The following PAPPA variants were observed in gnomAD, a reference collection of about 807,000 sequenced individuals.
The protein encoded by PAPPA is pappalysin 1.
PAPPA carries 60 observed loss-of-function variants against 164.0 expected under a neutral mutation model. That is an observed-to-expected ratio of 0.37 (90% CI 0.30 to 0.45). The LOEUF (loss-of-function observed/expected upper bound fraction) is 0.45, where lower values mean the gene tolerates loss of function less well. Among genes scored for constraint, PAPPA ranks in the 20% least tolerant of loss-of-function variants. PAPPA has a pLI of 1.00. For synonymous variants in PAPPA, 875 were observed against 814.1 expected (o/e 1.07, Z -1.27); for missense variants, 1,782 against 2,087.3 (o/e 0.85, Z 2.85).
chr9:116,250,665 C>T (rs1199863922), intron 7 of PAPPA, among the ~76,000 whole-genome samples: 2 of 152,192 alleles, frequency 1.3e-5, no homozygotes, highest in Admixed American at 6.5e-5. Flanking sequence ...GGGAATTAGA[C>T]TGAAAAACTC....
intron 9 of PAPPA, among the ~76,000 whole-genome samples, chr9:116,289,734 T>C (rs1044647699): frequency 5.3e-5 from 8 of 152,186 alleles, no homozygotes; most frequent in African/African-American, 1.9e-4. Flanking sequence ...TTCTATGTAC[T>C]AGTATCTGAC....
rs545493827 is a variant in PAPPA, at chr9:116,396,652, C to T, written c.*36C>T. On this transcript the variant is annotated 3_prime_UTR_variant, in exon 22 of 22. Transcript: ENST00000328252. ...GAAGTTGTCAAAGAATTCCCAACGC[C>T]AGGACCCACATCCCTTTGGTATTGA... The T allele has an allele frequency of 1.3e-6, 1 of 776,802 alleles. No individual in the cohort carries two copies. The highest frequency in any genetic ancestry group is 1.7e-5 in the Admixed American group (1 of 58,680). The allele number at this position is 776,802 out of a possible 1,614,324, so 48.1% of individuals were successfully genotyped here. A position where few individuals can be genotyped will look rare whatever the true frequency, so the allele number is the denominator to read the frequency against.
intron 6 of PAPPA, among the ~76,000 whole-genome samples, chr9:116,232,126 T>C (rs1179100165): frequency 6.6e-6 from 1 of 152,158 alleles, no homozygotes; most frequent in Non-Finnish European, 1.5e-5. Context: ...TCTTCGTCTA[T>C]TTCAGTGTAA....
Position 116,398,381 on chromosome 9 carries a change from A to G in PAPPA, c.*1765A>G, listed in dbSNP as rs9535. On this transcript the variant is annotated 3_prime_UTR_variant, in exon 22 of 22. Coordinates refer to ENST00000328252, the MANE Select transcript of PAPPA (RefSeq NM_002581.5). ...CAAGTCTAGTGAAGACAGCCAACAG[A>G]AACAAAACCTAGCATAGGGATAGAA... The G allele has an allele frequency of 7.2e-3, 2,459 of 342,972 alleles. 9 individuals carry two copies. Among genetic ancestry groups the G allele is most frequent in the Admixed American group, 0.011 (261 of 23,352 alleles). 21.2% of individuals were successfully genotyped at this position (342,972 alleles called of 1,614,324 possible).
chr9:116,193,289 C>T (rs1418761329), intron 2 of PAPPA, among the ~76,000 whole-genome samples: 1 of 152,100 alleles, frequency 6.6e-6, no homozygotes, highest in Admixed American at 6.5e-5. Context: ...GCAGCTATAG[C>T]CCCCGTTAGC....
intron 2 of PAPPA, among the ~76,000 whole-genome samples, chr9:116,197,418 G>GA (rs926194684): frequency 6.6e-6 from 1 of 152,044 alleles, no homozygotes; most frequent in East Asian, 1.9e-4. Context: ...ATGACAAGTT[G>GA]AAAAAAAATC....
intron 1 of PAPPA, among the ~76,000 whole-genome samples, chr9:116,185,071 C>T (rs1564176574): frequency 1.3e-5 from 2 of 152,188 alleles, no homozygotes. Context: ...TCAGGATGAA[C>T]TTCTTGAAAG....
Position 116,302,742 on chromosome 9 carries a change from G to A in PAPPA, c.2954-15G>A. 1 of 1,600,708 alleles carries A rather than the reference G, an allele frequency of 6.2e-7. No individual in the cohort carries two copies. Among genetic ancestry groups the A allele is most frequent in the Non-Finnish European group, 8.5e-7 (1 of 1,169,594 alleles). ...ATTTATTTATTCTCTCCCTTTCTAT[G>A]TCAATCTTTTGCAGATGAACCCAGC... On this transcript the variant is annotated splice_polypyrimidine_tract_variant and intron_variant, in intron 9 of 21. Transcript: ENST00000328252.
intron 9 of PAPPA, chr9:116,285,944 G>A (rs145703277): frequency 3.3e-5 from 5 of 152,050 alleles, no homozygotes; most frequent in Admixed American, 2.0e-4. Context: ...CTGTCATCTC[G>A]GGCAGGTTAT....
At chr9:116,184,110 G>T (rs1027561900) in intron 1 of PAPPA, among the ~76,000 whole-genome samples, 2 of 152,138 alleles carry the variant, frequency 1.3e-5, no homozygotes, top group Non-Finnish European at 2.9e-5. Flanking sequence ...TTTTCATGAG[G>T]GATAGGGTTA....
At chr9:116,392,646 G>C in intron 21 of PAPPA, among the ~76,000 whole-genome samples, 1 of 152,172 alleles carries the variant, frequency 6.6e-6, no homozygotes, top group Admixed American at 6.6e-5. Flanking sequence ...TGTGATAAGT[G>C]AGGAAGCTTG....
chr9:116,359,201 A>G (rs1451958345), intron 17 of PAPPA, among the ~76,000 whole-genome samples: 1 of 152,216 alleles, frequency 6.6e-6, no homozygotes, highest in Admixed American at 6.5e-5. Flanking sequence ...TAACAGAGTC[A>G]GTTTCCAAGT....
intron 9 of PAPPA, among the ~76,000 whole-genome samples, chr9:116,299,204 T>C (rs1176238064): frequency 6.6e-6 from 1 of 152,224 alleles, no homozygotes; most frequent in Non-Finnish European, 1.5e-5. Context: ...CAGCAGAATC[T>C]TGGAGAAGAA....
intron 1 of PAPPA, among the ~76,000 whole-genome samples, chr9:116,175,257 C>T (rs892628506): frequency 2.6e-5 from 4 of 152,092 alleles, no homozygotes; most frequent in Non-Finnish European, 4.4e-5. Context: ...CCAAGAGGAG[C>T]GTTTGAAAAC....
chr9:116,177,674 T>C (rs1843853319), intron 1 of PAPPA, among the ~76,000 whole-genome samples: 1 of 152,176 alleles, frequency 6.6e-6, no homozygotes, highest in African/African-American at 2.4e-5. Flanking sequence ...TCTCCAGGCT[T>C]GATGAGTGAG....
Position 116,187,615 on chromosome 9 carries a change from G to T in PAPPA, c.877G>T (p.Val293Leu). The part of the protein sequence containing the change: ...QLLLQENWDN[V>L]KHAWSPMKDG... ...CCTCCTCCAGGAGAACTGGGACAAT[G>T]TGAAGCATGCCTGGTCCCCCATGAA... The change falls in exon 2 of 22, where the codon GTG (valine) becomes TTG (leucine). Residue 293 changes from valine to leucine, a missense_variant. Physicochemically the swap from Val to Leu is conservative, Grantham distance 32 (BLOSUM62 1). Transcript: ENST00000328252. This position sits in a 1 kb window ranked among gnomAD's most constrained non-coding sequence, Gnocchi z 4.2. The T allele has an allele frequency of 1.9e-6, 3 of 1,614,226 alleles. No individual in the cohort carries two copies.
At chr9:116,206,643 A>G (rs934478642) in intron 2 of PAPPA, among the ~76,000 whole-genome samples, 1 of 152,192 alleles carries the variant, frequency 6.6e-6, no homozygotes, top group Non-Finnish European at 1.5e-5. Context: ...AGGTGGCCAC[A>G]AGTGTGTATT....
chr9:116,335,215 C>G, intron 13 of PAPPA, 141 bp downstream of exon 13: 2 of 701,636 alleles, frequency 2.9e-6, no homozygotes, highest in Admixed American at 5.1e-5. Context: ...GGCCTCTGGC[C>G]GGCTCTGCCT....
intron 7 of PAPPA, among the ~76,000 whole-genome samples, chr9:116,264,597 A>G (rs1587978190): frequency 6.6e-6 from 1 of 152,308 alleles, no homozygotes; most frequent in African/African-American, 2.4e-5. Flanking sequence ...AAACAGCCCA[A>G]GTCCTAACAG....
Sources: gnomAD v4.1 joint callset for allele counts (sites outside exome capture counted in the v4.1 genomes callset) on GRCh38, gnomAD v4.1.1 for gene constraint, Gnocchi (gnomAD v3.1) non-coding constraint, MANE v1.5 for transcripts, NCBI Gene and HGNC (gene_info 2026-07-23, HGNC 2026-07-21) for gene names.